Variants in PHACTR1 observed in about 807,000 individuals in gnomAD.
The protein encoded by PHACTR1 is phosphatase and actin regulator 1, also known as RPEL repeat containing 1.
PHACTR1 carries 16 observed loss-of-function variants against 69.2 expected under a neutral mutation model. That is an observed-to-expected ratio of 0.23 (90% confidence interval 0.16 to 0.35). PHACTR1 has a LOEUF of 0.35. PHACTR1 is among the 10% of genes least tolerant of loss of function. PHACTR1 has a pLI of 1.00. For missense variants in PHACTR1, 510 were observed against 734.7 expected, an observed-to-expected ratio of 0.69 and a Z score of 3.54; for synonymous variants, 312 against 284.5, an observed-to-expected ratio of 1.10 and a Z score of -0.97.
chr6:13,013,484 G>C (rs1799676832), intron 4 of PHACTR1, among the ~76,000 whole-genome samples: 1 of 152,248 alleles, frequency 6.6e-6, no homozygotes, highest in Non-Finnish European at 1.5e-5. Flanking sequence ...GTGAAGAAAA[G>C]GGGGAGGGGG....
intron 3 of PHACTR1, among the ~76,000 whole-genome samples, chr6:12,723,501 T>G (rs1762395836): frequency 9.4e-6 from 1 of 106,882 alleles, no homozygotes; most frequent in Non-Finnish European, 1.9e-5. Context: ...TTTTTTTTTT[T>G]TTTTGAGAGA....
intron 4 of PHACTR1, among the ~76,000 whole-genome samples, chr6:12,839,730 C>T (rs757324364): frequency 6.6e-5 from 10 of 152,150 alleles, no homozygotes; most frequent in Non-Finnish European, 1.3e-4. Flanking sequence ...GCATAACACA[C>T]GGTTCGTTAA....
intron 4 of PHACTR1, among the ~76,000 whole-genome samples, chr6:12,770,253 A>G (rs1217197171): frequency 6.6e-6 from 1 of 152,202 alleles, no homozygotes; most frequent in Admixed American, 6.5e-5. Flanking sequence ...TCTATTTAGC[A>G]TCTCCTATGC....
chr6:13,247,840 G>A (rs1773806603), intron 10 of PHACTR1, among the ~76,000 whole-genome samples: 1 of 151,928 alleles, frequency 6.6e-6, no homozygotes, highest in Non-Finnish European at 1.5e-5. Flanking sequence ...ACTCCAGCCT[G>A]GGCAACATAG....
intron 4 of PHACTR1, among the ~76,000 whole-genome samples, chr6:13,017,742 A>G (rs188816466): frequency 4.5e-4 from 68 of 149,550 alleles, no homozygotes; most frequent in African/African-American, 1.7e-3. Context: ...TAGGAATTAT[A>G]ATATATTTAA....
chr6:12,966,321 GA>G (rs569456940), intron 4 of PHACTR1, among the ~76,000 whole-genome samples: 2 of 152,224 alleles, frequency 1.3e-5, no homozygotes, highest in Non-Finnish European at 2.9e-5. Flanking sequence ...CCCTATAAGA[GA>G]GAAAGAGGGA....
intron 4 of PHACTR1, among the ~76,000 whole-genome samples, chr6:12,819,398 G>A (rs1266009361): frequency 6.6e-6 from 1 of 152,160 alleles, no homozygotes; most frequent in Non-Finnish European, 1.5e-5. Context: ...GCTCAAACAG[G>A]TGGTCTGAGT....
intron 4 of PHACTR1, among the ~76,000 whole-genome samples, chr6:12,762,318 G>T (rs1193080237): frequency 6.6e-6 from 1 of 152,124 alleles, no homozygotes; most frequent in Admixed American, 6.5e-5. Context: ...TCTGGGGCTG[G>T]AGCTGTGACG....
chr6:13,032,000 G>T (rs1022840864), intron 4 of PHACTR1, among the ~76,000 whole-genome samples: 5 of 152,258 alleles, frequency 3.3e-5, no homozygotes, highest in African/African-American at 1.2e-4. Context: ...GTAGTTTTCT[G>T]TATCACTATT....
chr6:13,059,888 G>A (rs925294304), intron 5 of PHACTR1, among the ~76,000 whole-genome samples: 5 of 152,158 alleles, frequency 3.3e-5, no homozygotes, highest in African/African-American at 9.6e-5. Flanking sequence ...ATTTCAGGTC[G>A]TTTGCATATA....
intron 4 of PHACTR1, among the ~76,000 whole-genome samples, chr6:12,920,956 G>A (rs1011603489): frequency 2.0e-5 from 3 of 152,246 alleles, no homozygotes; most frequent in African/African-American, 7.2e-5. Flanking sequence ...GTTGGATACT[G>A]GGTTTGGCAT....
chr6:13,036,132 A>G (rs1803270227), intron 4 of PHACTR1, among the ~76,000 whole-genome samples: 1 of 140,836 alleles, frequency 7.1e-6, no homozygotes, highest in African/African-American at 2.4e-5. Context: ...CCACCCCCGC[A>G]TTCCAAAAAA....
Position 12,938,368 on chromosome 6 carries a change from C to G in PHACTR1, c.251-114997C>G, listed in dbSNP as rs116147931. Among the ~76,000 whole-genome samples the G allele has an allele frequency of 9.2e-3, 1,402 of 152,136 alleles. 26 individuals are homozygous for G. Among genetic ancestry groups the G allele is most frequent in the African/African-American group, 0.032 (1,337 of 41,486 alleles). The stretch of plus-strand genomic sequence containing the variant: ...AATTGATTCCAGGTCTTCTTTCTGC[C>G]CAGCCACCTCTCTATGTTAGGCTAG... On this transcript the variant is annotated intron_variant, in intron 4 of 14. Transcript: ENST00000332995.
intron 10 of PHACTR1, among the ~76,000 whole-genome samples, chr6:13,231,875 G>A (rs967069896): frequency 2.0e-5 from 3 of 152,184 alleles, no homozygotes; most frequent in Non-Finnish European, 4.4e-5. Flanking sequence ...CCATTTTACA[G>A]ATGAGAATAC....
chr6:13,243,620 A>C (rs1260813873), intron 10 of PHACTR1, among the ~76,000 whole-genome samples: 1 of 152,088 alleles, frequency 6.6e-6, no homozygotes, highest in Non-Finnish European at 1.5e-5. Context: ...TCAAGGGTAC[A>C]CGTACAGGTT....
At chr6:13,047,377 CAAA>C (rs35293642) in intron 4 of PHACTR1, among the ~76,000 whole-genome samples, 1,469 of 54,682 alleles carry the variant, frequency 0.027, 13 homozygotes, top group Middle Eastern at 0.036. Flanking sequence ...AACCCTGTCT[CAAA>C]AAAAAAAAAA....
chr6:12,963,275 G>A (rs920526577), intron 4 of PHACTR1, among the ~76,000 whole-genome samples: 13 of 152,194 alleles, frequency 8.5e-5, no homozygotes, highest in African/African-American at 3.1e-4. Context: ...CACAGATGAG[G>A]GTGAGCCTGC....
intron 5 of PHACTR1, among the ~76,000 whole-genome samples, chr6:13,108,474 T>C (rs1044338769): frequency 6.6e-5 from 10 of 152,116 alleles, no homozygotes; most frequent in Non-Finnish European, 8.8e-5. Context: ...AATTTCTCAG[T>C]ATAATTATGG....
At chr6:13,181,583 C>T (rs1031400006) in intron 6 of PHACTR1, among the ~76,000 whole-genome samples, 1 of 152,212 alleles carries the variant, frequency 6.6e-6, no homozygotes, top group Non-Finnish European at 1.5e-5. Flanking sequence ...TTTGATCCTG[C>T]ACCGTGGTCC....
Sources: gnomAD v4.1 joint callset for allele counts (sites outside exome capture counted in the v4.1 genomes callset) on GRCh38, gnomAD v4.1.1 for gene constraint, MANE v1.5 for transcripts, NCBI Gene and HGNC (gene_info 2026-07-23, HGNC 2026-07-21) for gene names.